Variants in NUF2 observed in about 807,000 individuals in gnomAD.
NUF2 encodes kinetochore protein Nuf2.
NUF2 carries 34 observed loss-of-function variants against 61.8 expected under a neutral mutation model. The ratio of observed to expected loss-of-function variants is 0.55; its 90% CI spans 0.42 to 0.73. The LOEUF is 0.73. Among genes scored for constraint, NUF2 ranks in the 30% least tolerant of loss-of-function variants. NUF2 has a pLI of 0.00. For missense variants in NUF2, 445 were observed against 539.1 expected, an observed-to-expected ratio of 0.83 and a Z score of 1.73; for synonymous variants, 172 against 181.6, an observed-to-expected ratio of 0.95 and a Z score of 0.42.
Position 163,343,750 on chromosome 1 carries a change from G to A in NUF2, c.687G>A (p.Ser229=), listed in dbSNP as rs757839841. ...CTCAACAGAATGAACTAAAATTGTC[G>A]GTGGTTTCTTTGAAAGAAATACAAG... The part of the protein sequence containing the change: ...KTKRLNELKL[S]VVSLKEIQES... The change falls in exon 10 of 14, where the codon TCG becomes TCA. Residue 229 remains serine, a synonymous_variant. Transcript: ENST00000271452. 73 of 1,395,578 alleles carry A rather than the reference G, an allele frequency of 5.2e-5. No homozygotes were observed. Among genetic ancestry groups the A allele is most frequent in the South Asian group, 8.1e-5 (5 of 61,862 alleles). The allele number at this position is 1,395,578 out of a possible 1,614,324, so 86.4% of individuals were successfully genotyped here. A position where few individuals can be genotyped will look rare whatever the true frequency, so the allele number is the denominator to read the frequency against.
chr1:163,345,852 A>G (rs1475483802), intron 11 of NUF2, 34 bp downstream of exon 11: 1 of 1,447,572 alleles, frequency 6.9e-7, no homozygotes, highest in Non-Finnish European at 9.5e-7. Flanking sequence ...TGTCTTTATT[A>G]TATAACAGCT....
intron 5 of NUF2, among the ~76,000 whole-genome samples, chr1:163,333,225 T>C (rs911367894): frequency 4.0e-5 from 6 of 151,730 alleles, no homozygotes; most frequent in Non-Finnish European, 7.4e-5. Flanking sequence ...CTTGATTTTA[T>C]ATTAACATAG....
rs1397379927 is a variant in NUF2 at position 163,343,738 on chromosome 1, A to C, written c.675A>C (p.Glu225Asp). 1 of 1,393,220 alleles carries C rather than the reference A, an allele frequency of 7.2e-7. No homozygotes were observed. The highest frequency in any genetic ancestry group is 9.6e-7 in the Non-Finnish European group (1 of 1,044,492). 86.3% of individuals were successfully genotyped at this position (1,393,220 alleles called of 1,614,324 possible). A position where few individuals can be genotyped will look rare whatever the true frequency, so the allele number is the denominator to read the frequency against. ...TAAAAATGTTTTCTCAACAGAATGA[A>C]CTAAAATTGTCGGTGGTTTCTTTGA... ...NISEKTKRLN[E>D]LKLSVVSLKE... The change falls in exon 10 of 14, where the codon GAA becomes GAC. Residue 225 changes from glutamate to aspartate, a missense_variant. By Grantham distance (45) the Glu-to-Asp change is conservative. Transcript: ENST00000271452.
chr1:163,324,003 C>T (rs955603926), intron 1 of NUF2, among the ~76,000 whole-genome samples: 4 of 152,000 alleles, frequency 2.6e-5, no homozygotes, highest in African/African-American at 9.7e-5. Context: ...GTGCCCTAGA[C>T]CAACCATATC....
In NUF2 at chr1:163,355,318, T is replaced by A; in HGVS notation, c.1261-17T>A. Reference sequence around the variant, plus strand: ...GTTGCATGGAATAATTATTATTCTGTTTCATTTTCTACTTAGGAAATATTT... The same window carrying A: ...GTTGCATGGAATAATTATTATTCTGATTCATTTTCTACTTAGGAAATATTT... On this transcript the variant is annotated splice_polypyrimidine_tract_variant and intron_variant, in intron 13 of 13. Coordinates refer to ENST00000271452, the MANE Select transcript of NUF2 (RefSeq NM_145697.3). The A allele has an allele frequency of 6.3e-7, 1 of 1,579,028 alleles. No homozygotes were observed. The highest frequency in any genetic ancestry group is 1.2e-5 in the South Asian group (1 of 85,380).
chr1:163,326,280 G>C (rs1650415149), intron 2 of NUF2, 106 bp downstream of exon 2: 1 of 971,524 alleles, frequency 1.0e-6, no homozygotes, highest in African/African-American at 1.6e-5. Context: ...ATTTGATGGA[G>C]ACCAGTCATT....
chr1:163,327,613 G>T, intron 3 of NUF2, 51 bp downstream of exon 3: 1 of 1,209,146 alleles, frequency 8.3e-7, no homozygotes, highest in Non-Finnish European at 1.2e-6. Context: ...TTGTTTGTTT[G>T]TTTTGTTTTG....
At chr1:163,345,894 T>C in intron 11 of NUF2, 76 bp downstream of exon 11, 1 of 1,037,234 alleles carries the variant, frequency 9.6e-7, no homozygotes, top group Admixed American at 2.6e-5. Flanking sequence ...GCTTTCACTT[T>C]TTGTTATGTT....
At chr1:163,325,178 C>T (rs573093372) in intron 1 of NUF2, among the ~76,000 whole-genome samples, 3 of 152,130 alleles carry the variant, frequency 2.0e-5, no homozygotes, top group Admixed American at 2.0e-4. Context: ...ATTACAGGTA[C>T]AGGGTTTTTT....
At chr1:163,328,619 G>T in intron 4 of NUF2, 1 of 502,014 alleles carries the variant, frequency 2.0e-6, no homozygotes, top group South Asian at 3.6e-5. Flanking sequence ...CTATTTATTA[G>T]AATCTGTAAC....
At chr1:163,352,257 T>C (rs986276774) in intron 13 of NUF2, among the ~76,000 whole-genome samples, 1 of 152,238 alleles carries the variant, frequency 6.6e-6, no homozygotes, top group African/African-American at 2.4e-5. Context: ...AGCGCTCTTA[T>C]TATTATACGT....
At chr1:163,324,305 A>T (rs1485892020) in intron 1 of NUF2, among the ~76,000 whole-genome samples, 2 of 152,252 alleles carry the variant, frequency 1.3e-5, no homozygotes, top group Non-Finnish European at 2.9e-5. Context: ...AAATTACCAC[A>T]AAACATATTT....
chr1:163,327,830 G>A lies in NUF2; in HGVS notation c.198+268G>A, dbSNP rs556117706. The A allele has an allele frequency of 3.1e-5, 13 of 412,842 alleles. No individual in the cohort carries two copies. The South Asian group carries it at 6.5e-4, about 21-fold the overall frequency. 25.6% of individuals were successfully genotyped at this position (412,842 alleles called of 1,614,324 possible). Reference sequence around the variant, plus strand: ...TCATTGATGCAATGCAATTGTTATAGATTTATAGGTTTGTTTTCAGAGACT... The same window carrying A: ...TCATTGATGCAATGCAATTGTTATAAATTTATAGGTTTGTTTTCAGAGACT... On this transcript the variant is annotated intron_variant, in intron 3 of 13. Transcript: ENST00000271452.
At chr1:163,327,927 T>G in intron 3 of NUF2, 5 of 369,836 alleles carry the variant, frequency 1.4e-5, no homozygotes, top group Non-Finnish European at 2.4e-5. Flanking sequence ...GTAGAAGATA[T>G]GCAGTAAGAT....
intron 5 of NUF2, among the ~76,000 whole-genome samples, chr1:163,335,824 T>A (rs1212573821): frequency 6.6e-6 from 1 of 152,210 alleles, no homozygotes; most frequent in Non-Finnish European, 1.5e-5. Flanking sequence ...ACTTCTATTA[T>A]GTCTTCAACT....
chr1:163,332,733 C>T (rs2101672614), intron 5 of NUF2, among the ~76,000 whole-genome samples: 1 of 152,212 alleles, frequency 6.6e-6, no homozygotes, highest in East Asian at 1.9e-4. Flanking sequence ...CTCTACTTTC[C>T]TCTTATAAAG....
intron 5 of NUF2, among the ~76,000 whole-genome samples, chr1:163,334,186 T>C (rs989130767): frequency 6.6e-6 from 1 of 152,220 alleles, no homozygotes; most frequent in South Asian, 2.1e-4. Flanking sequence ...CTCTGGTATA[T>C]GCATACCACA....
chr1:163,355,437 C>T lies in NUF2; in HGVS notation c.1363C>T (p.Leu455=), dbSNP rs1162324068. The T allele has an allele frequency of 6.2e-7, 1 of 1,601,494 alleles. No homozygotes were observed. The highest frequency in any genetic ancestry group is 1.7e-4 in the Middle Eastern group (1 of 6,020). The change falls in exon 14 of 14, where the codon CTG becomes TTG. Residue 455 remains leucine, a synonymous_variant. Coordinates refer to ENST00000271452, the MANE Select transcript of NUF2 (RefSeq NM_145697.3). Reference sequence around the variant, plus strand: ...TAAGATAGATGAGAAGACAGCTGAACTGAAGAGGAAGATGTTCAAAATGTC... The same window carrying T: ...TAAGATAGATGAGAAGACAGCTGAATTGAAGAGGAAGATGTTCAAAATGTC... The part of the protein sequence containing the change: ...YAKIDEKTAE[L]KRKMFKMST
rs763286362 is a variant in NUF2, at chr1:163,326,145, A to G, written c.94A>G (p.Thr32Ala). 134 of 1,612,988 alleles carry G rather than the reference A, an allele frequency of 8.3e-5. No individual in the cohort carries two copies. Among genetic ancestry groups the G allele is most frequent in the Non-Finnish European group, 1.1e-4 (131 of 1,179,372 alleles). ...AACAGGAGCTGATGGTAAAAACCTCACCAAGAATGATCTTTATCCAAATCC... is the reference window on the plus strand; with the variant it reads ...AACAGGAGCTGATGGTAAAAACCTCGCCAAGAATGATCTTTATCCAAATCC... ...ILTGADGKNLTKNDLYPNPKP... is the reference protein window; with the variant it reads ...ILTGADGKNLAKNDLYPNPKP... Residue 32 changes from threonine (T) to alanine (A), a missense_variant, in exon 2 of 14, where the codon ACC (threonine) becomes GCC (alanine). Coordinates refer to ENST00000271452, the MANE Select transcript of NUF2 (RefSeq NM_145697.3).
Sources: allele counts gnomAD v4.1 joint callset (sites outside exome capture counted in the v4.1 genomes callset), GRCh38; gene constraint gnomAD v4.1.1; transcripts MANE v1.5; gene names NCBI Gene and HGNC (gene_info 2026-07-23, HGNC 2026-07-21).